Variants in IFT57 observed in about 807,000 individuals in gnomAD.
IFT57 encodes the protein intraflagellar transport 57, also known as intraflagellar transport protein 57 homolog.
Under a neutral mutation model 56.8 loss-of-function variants are expected in IFT57, and 59 were observed. That is an observed-to-expected ratio of 1.04 (90% CI 0.84 to 1.29). The LOEUF (loss-of-function observed/expected upper bound fraction) is 1.29, where lower values mean the gene tolerates loss of function less well. IFT57 is among the 50% of genes most tolerant of loss of function. The pLI, the probability that IFT57 is intolerant of heterozygous loss-of-function variation, is 0.00. For missense variants in IFT57, 470 were observed against 522.1 expected (o/e 0.90, Z 0.97); for synonymous variants, 209 against 186.1 (o/e 1.12, Z -1.00).
intron 3 of IFT57, among the ~76,000 whole-genome samples, chr3:108,216,158 A>G (rs1245486809): frequency 6.6e-6 from 1 of 152,192 alleles, no homozygotes; most frequent in East Asian, 1.9e-4. Flanking sequence ...TAAGGAAACA[A>G]TCAAAAGAGT....
intron 5 of IFT57, among the ~76,000 whole-genome samples, chr3:108,194,322 A>G (rs1174174367): frequency 6.6e-6 from 1 of 152,220 alleles, no homozygotes; most frequent in East Asian, 1.9e-4. Context: ...GAAACTACAA[A>G]AACACTGATG....
intron 6 of IFT57, among the ~76,000 whole-genome samples, chr3:108,187,084 G>T (rs2080188074): frequency 6.6e-6 from 1 of 152,034 alleles, no homozygotes; most frequent in Admixed American, 6.6e-5. Context: ...TAACCTTCAT[G>T]TTGTTCAAGG....
At chr3:108,191,296 T>C (rs750429410) in intron 6 of IFT57, among the ~76,000 whole-genome samples, 1 of 152,202 alleles carries the variant, frequency 6.6e-6, no homozygotes, top group Admixed American at 6.5e-5. Flanking sequence ...GCAAATATGA[T>C]GTCTTCCAAA....
rs139075839 is a variant in IFT57 at position 108,191,579 on chromosome 3, C to T, written c.719G>A (p.Ser240Asn). ...CGGTAGTACACGTTCCACTTCTAGG[C>T]TCCATTCTGCAGCATCTGTTGTGGA... Reference protein sequence around the residue: ...LESTTDAAEWSLEVERVLPQL... With the variant: ...LESTTDAAEWNLEVERVLPQL... The change falls in exon 6 of 11, where the codon AGC becomes AAC. Residue 240 changes from serine (S) to asparagine (N), a missense_variant. By Grantham distance (46) the Ser-to-Asn change is conservative. Coordinates refer to ENST00000264538, the MANE Select transcript of IFT57 (RefSeq NM_018010.4). 2.9e-4 allele frequency: 465 copies of T among 1,609,456 alleles called. 1 individual carries two copies. Among genetic ancestry groups the T allele is most frequent in the Non-Finnish European group, 3.6e-4 (422 of 1,176,416 alleles).
At chr3:108,194,560 G>A (rs533094569) in intron 5 of IFT57, among the ~76,000 whole-genome samples, 152 of 152,104 alleles carry the variant, frequency 1.0e-3, no homozygotes, top group African/African-American at 3.5e-3. Context: ...GAACAAAGCT[G>A]GAATCATTGC....
At position 108,190,615 on chromosome 3, in the gene IFT57, T is replaced by C. The variant is rs148249475; in HGVS notation, c.777+906A>G. Among the ~76,000 whole-genome samples, 773 of 152,334 alleles carry C rather than the reference T, an allele frequency of 5.1e-3. 13 individuals carry two copies. Among genetic ancestry groups the C allele is most frequent in the African/African-American group, 0.018 (742 of 41,576 alleles). On this transcript the variant is annotated intron_variant, in intron 6 of 10. Transcript: ENST00000264538. Reference sequence around the variant, plus strand: ...TGCTGAACTATGAGTCAATTATACCTTTCCTTTAAAAATTACCCAGTCTTG... The same window carrying C: ...TGCTGAACTATGAGTCAATTATACCCTTCCTTTAAAAATTACCCAGTCTTG...
intron 5 of IFT57, among the ~76,000 whole-genome samples, chr3:108,196,499 A>G (rs1373839298): frequency 4.6e-5 from 7 of 152,222 alleles, no homozygotes; most frequent in Non-Finnish European, 1.0e-4. Context: ...AGCAGGGTAC[A>G]TAAAGATCAA....
chr3:108,162,630 GCT>G lies in IFT57; in HGVS notation c.1135_1136del (p.Ser379LeufsTer14). On this transcript the variant is annotated frameshift_variant, in exon 11 of 11. Coordinates refer to ENST00000264538, the MANE Select transcript of IFT57 (RefSeq NM_018010.4). LOFTEE classifies it high-confidence loss of function. ...CAGTTTCTTGCTTCAGTTTTGTTAA[GCT>G]CTGTTTAATCTTCACCAAAGGAGCT... ...DGAPLVKIKQSLTKLKQETVE... is the reference protein window; with the variant it reads ...DGAPLVKIKQXLTKLKQETVE... 5 of 1,607,356 alleles carry G rather than the reference GCT, an allele frequency of 3.1e-6. No individual in the cohort carries two copies. The South Asian group carries it at 3.3e-5, about 11-fold the overall frequency.
intron 1 of IFT57, among the ~76,000 whole-genome samples, chr3:108,221,333 T>C (rs1292871991): frequency 6.6e-6 from 1 of 152,238 alleles, no homozygotes; most frequent in Non-Finnish European, 1.5e-5. Flanking sequence ...CTGATTTATC[T>C]GGCTACTGCT....
At chr3:108,193,240 GGA>G (rs1267877334) in intron 5 of IFT57, among the ~76,000 whole-genome samples, 3 of 152,022 alleles carry the variant, frequency 2.0e-5, no homozygotes, top group African/African-American at 7.2e-5. Context: ...TATTTTTGTG[GGA>G]GACTGAGGTC....
chr3:108,170,289 A>C (rs926344945), intron 6 of IFT57, among the ~76,000 whole-genome samples: 2 of 152,100 alleles, frequency 1.3e-5, no homozygotes, highest in Non-Finnish European at 2.9e-5. Context: ...CTAATAAGCA[A>C]CTTCAGCAAA....
At chr3:108,212,145 G>A (rs1412757979) in intron 4 of IFT57, among the ~76,000 whole-genome samples, 1 of 152,002 alleles carries the variant, frequency 6.6e-6, no homozygotes. Context: ...ACCATGCCTG[G>A]CATTTTTTTC....
intron 4 of IFT57, among the ~76,000 whole-genome samples, chr3:108,211,183 T>C (rs991886415): frequency 9.9e-5 from 15 of 152,260 alleles, no homozygotes; most frequent in African/African-American, 3.4e-4. Context: ...GTTTGTTTTT[T>C]ATTCCTCAGA....
At chr3:108,167,092 T>C in intron 7 of IFT57, 107 bp from the exon 8 acceptor site, 1 of 963,952 alleles carries the variant, frequency 1.0e-6, no homozygotes, top group Non-Finnish European at 1.5e-6. Flanking sequence ...ATCAACTACA[T>C]GTGCAAAAGA....
intron 6 of IFT57, among the ~76,000 whole-genome samples, chr3:108,189,335 G>A (rs1324759409): frequency 5.9e-5 from 9 of 152,146 alleles, no homozygotes; most frequent in African/African-American, 1.7e-4. Context: ...GCCCTATCCC[G>A]GGACTGCTCT....
chr3:108,216,013 T>C (rs1253577678), intron 3 of IFT57, among the ~76,000 whole-genome samples: 1 of 152,160 alleles, frequency 6.6e-6, no homozygotes, highest in Non-Finnish European at 1.5e-5. Flanking sequence ...AAATATACAA[T>C]CTGAAACTGA....
chr3:108,217,727 TAAAAA>T (rs58306903), intron 3 of IFT57, among the ~76,000 whole-genome samples: 1 of 145,462 alleles, frequency 6.9e-6, no homozygotes, highest in African/African-American at 2.5e-5. Flanking sequence ...TAGTTCTAAT[TAAAAA>T]AAAAAAAACA....
intron 5 of IFT57, among the ~76,000 whole-genome samples, chr3:108,199,534 G>T (rs1034098343): frequency 6.6e-6 from 1 of 152,212 alleles, no homozygotes; most frequent in African/African-American, 2.4e-5. Flanking sequence ...GGAAAAAAGA[G>T]TTAAGTACAT....
At chr3:108,194,371 C>A (rs2080231999) in intron 5 of IFT57, among the ~76,000 whole-genome samples, 2 of 151,924 alleles carry the variant, frequency 1.3e-5, no homozygotes, top group Non-Finnish European at 2.9e-5. Context: ...AAAGATATTC[C>A]AAGTTCATGG....
Sources: allele counts gnomAD v4.1 joint callset (sites outside exome capture counted in the v4.1 genomes callset), GRCh38; gene constraint gnomAD v4.1.1; transcripts MANE v1.5; gene names NCBI Gene and HGNC (gene_info 2026-07-23, HGNC 2026-07-21).